Variants in ARL3 observed in about 807,000 individuals in gnomAD.
The protein encoded by ARL3 is ADP-ribosylation factor-like protein 3.
A neutral mutation model predicts 26.0 loss-of-function variants in ARL3; 9 were observed. The observed-to-expected ratio is 0.35, with a 90% CI of 0.21 to 0.60. ARL3 has a LOEUF of 0.60. Among genes scored for constraint, ARL3 ranks in the 20% least tolerant of loss-of-function variants. The pLI is 0.78. For missense variants in ARL3, 158 were observed against 215.7 expected (o/e 0.73, Z 1.67); for synonymous variants, 71 against 78.4 (o/e 0.91, Z 0.50).
At chr10:102,679,974 C>T (rs576497423) in intron 5 of ARL3, among the ~76,000 whole-genome samples, 54 of 152,070 alleles carry the variant, frequency 3.6e-4, no homozygotes, top group South Asian at 2.5e-3. Flanking sequence ...TTTTTTGAGA[C>T]GGAGTCTTGC....
In ARL3 at chr10:102,676,308, C is replaced by A; in HGVS notation, c.*586G>T. 1 of 150,844 alleles carries A rather than the reference C, an allele frequency of 6.6e-6. No homozygotes were observed. The highest frequency in any genetic ancestry group is 2.0e-4 in the South Asian group (1 of 4,922). 9.3% of individuals were successfully genotyped at this position (150,844 alleles called of 1,614,324 possible). A position where few individuals can be genotyped will look rare whatever the true frequency, so the allele number is the denominator to read the frequency against. ...AAAGAGTGAGGATTACATACGTAGTCTCCGACCTGCAAGACGATGAGATGG... is the reference window on the plus strand; with the variant it reads ...AAAGAGTGAGGATTACATACGTAGTATCCGACCTGCAAGACGATGAGATGG... On this transcript the variant is annotated 3_prime_UTR_variant, in exon 6 of 6. Transcript: ENST00000260746.
intron 1 of ARL3, among the ~76,000 whole-genome samples, chr10:102,711,660 G>C (rs1240026501): frequency 6.6e-6 from 1 of 152,106 alleles, no homozygotes; most frequent in East Asian, 1.9e-4. Flanking sequence ...CGGAGGCTAA[G>C]GCAGGAGAAT....
chr10:102,714,158 G>C (rs868562149), intron 1 of ARL3, 115 bp downstream of exon 1: 1 of 1,220,030 alleles, frequency 8.2e-7, no homozygotes, highest in Non-Finnish European at 1.1e-6. Flanking sequence ...CCAGATAGCA[G>C]GCTGAGCGAC....
At chr10:102,686,763 C>G (rs901796343) in intron 4 of ARL3, among the ~76,000 whole-genome samples, 1 of 151,366 alleles carries the variant, frequency 6.6e-6, no homozygotes, top group Non-Finnish European at 1.5e-5. Context: ...CGTGCTCAGT[C>G]TGATTATCAA....
chr10:102,695,446 C>T (rs987063168), intron 3 of ARL3, among the ~76,000 whole-genome samples: 8 of 152,216 alleles, frequency 5.3e-5, no homozygotes, highest in Non-Finnish European at 7.3e-5. Context: ...AAGCAACCGA[C>T]TTGTACATAT....
At chr10:102,682,334 C>T (rs1466756858) in intron 5 of ARL3, among the ~76,000 whole-genome samples, 1 of 152,152 alleles carries the variant, frequency 6.6e-6, no homozygotes, top group East Asian at 1.9e-4. Context: ...TGAAAACCTG[C>T]TTTAATCATA....
intron 2 of ARL3, among the ~76,000 whole-genome samples, chr10:102,704,924 C>T (rs952934995): frequency 5.3e-5 from 8 of 152,140 alleles, no homozygotes; most frequent in African/African-American, 1.7e-4. Flanking sequence ...GAAGTGGGTA[C>T]TGTGAAGTGT....
rs1484188635 is a variant in ARL3 at position 102,674,321 on chromosome 10, T to C, written c.*2573A>G. ...CACATCAATGACACCCTTGTTTCCA[T>C]AGTAACCAAGGGAGAGTGAAGGGGA... On this transcript the variant is annotated 3_prime_UTR_variant, in exon 6 of 6. Transcript: ENST00000260746. The C allele has an allele frequency of 6.6e-6, 1 of 152,134 alleles. No homozygotes were observed. Among genetic ancestry groups the C allele is most frequent in the Admixed American group, 6.5e-5 (1 of 15,278 alleles). 9.4% of individuals were successfully genotyped at this position (152,134 alleles called of 1,614,324 possible).
intron 1 of ARL3, among the ~76,000 whole-genome samples, chr10:102,706,456 A>C (rs986632058): frequency 1.6e-4 from 24 of 151,968 alleles, no homozygotes; most frequent in African/African-American, 5.6e-4. Context: ...GTCTCAAAAA[A>C]AAAGATTTTA....
At chr10:102,689,829 CAAAA>C (rs71019603) in intron 4 of ARL3, 60 bp downstream of exon 4, 2 of 851,278 alleles carry the variant, frequency 2.3e-6, no homozygotes, top group Admixed American at 3.0e-5. Flanking sequence ...AACTCCGTCT[CAAAA>C]AAAAAAAAGT....
intron 1 of ARL3, among the ~76,000 whole-genome samples, chr10:102,711,372 A>C (rs144008585): frequency 6.6e-6 from 1 of 150,876 alleles, no homozygotes; most frequent in African/African-American, 2.4e-5. Context: ...ATGTATCTGT[A>C]TATATATATG....
chr10:102,680,907 G>A (rs2064153539), intron 5 of ARL3, among the ~76,000 whole-genome samples: 1 of 151,940 alleles, frequency 6.6e-6, no homozygotes, highest in Admixed American at 6.6e-5. Flanking sequence ...TTTTTTTCTG[G>A]TGACAAAGGG....
intron 3 of ARL3, among the ~76,000 whole-genome samples, chr10:102,698,756 A>G (rs1355240023): frequency 6.6e-6 from 1 of 152,224 alleles, no homozygotes; most frequent in Admixed American, 6.6e-5. Context: ...GAGTCAGGGT[A>G]TTCCCAATGC....
intron 3 of ARL3, among the ~76,000 whole-genome samples, chr10:102,691,787 C>T (rs2064219301): frequency 6.6e-6 from 1 of 152,104 alleles, no homozygotes; most frequent in Admixed American, 6.6e-5. Flanking sequence ...TGGAGTCTAG[C>T]GTAATAAGTC....
rs559825140 is a variant in ARL3 at position 102,714,382 on chromosome 10, A to T, written c.-107T>A. The T allele has an allele frequency of 8.6e-7, 1 of 1,165,874 alleles. No homozygotes were observed. The highest frequency in any genetic ancestry group is 1.1e-6 in the Non-Finnish European group (1 of 910,310). The allele number at this position is 1,165,874 out of a possible 1,614,324, so 72.2% of individuals were successfully genotyped here. On this transcript the variant is annotated 5_prime_UTR_variant, in exon 1 of 6. Transcript: ENST00000260746. ...ACGTCCCTCGCACGCACAGCTGAGGAGCTGAGCAGCAATACGGGGCGGGGT... is the reference window on the plus strand; with the variant it reads ...ACGTCCCTCGCACGCACAGCTGAGGTGCTGAGCAGCAATACGGGGCGGGGT...
At chr10:102,708,856 C>G (rs1467708674) in intron 1 of ARL3, among the ~76,000 whole-genome samples, 1 of 138,070 alleles carries the variant, frequency 7.2e-6, no homozygotes, top group African/African-American at 2.7e-5. Context: ...AACTCCATCT[C>G]AAAACAAAAA....
Position 102,689,905 on chromosome 10 carries a change from T to G in ARL3, c.303A>C (p.Glu101Asp), listed in dbSNP as rs749578729. Residue 101 changes from glutamate (E) to aspartate (D), a missense_variant, in exon 4 of 6, where the codon GAA (glutamate) becomes GAC (aspartate). Coordinates refer to ENST00000260746, the MANE Select transcript of ARL3 (RefSeq NM_004311.4). ...AAGAATTATTTACCTGACCCGTCTC[T>G]TCAAATCTTTTTCTGTCTGCACTGT... ...VIDSADRKRF[E>D]ETGQELAELL... is the part of the protein sequence containing the mutation. 6.3e-7 allele frequency: 1 copy of G among 1,596,514 alleles called. No homozygotes were observed. Among genetic ancestry groups the G allele is most frequent in the Admixed American group, 1.7e-5 (1 of 58,932 alleles).
intron 5 of ARL3, among the ~76,000 whole-genome samples, chr10:102,680,540 C>T (rs1320337539): frequency 6.6e-6 from 1 of 152,174 alleles, no homozygotes; most frequent in Non-Finnish European, 1.5e-5. Context: ...GCAGGCCACC[C>T]CTAAGCATAC....
At chr10:102,685,100 T>C (rs2064176085) in intron 5 of ARL3, among the ~76,000 whole-genome samples, 1 of 151,356 alleles carries the variant, frequency 6.6e-6, no homozygotes, top group Non-Finnish European at 1.5e-5. Context: ...ATACAAAAAA[T>C]TAGCTGGGTG....
Sources: gnomAD v4.1 joint callset for allele counts (sites outside exome capture counted in the v4.1 genomes callset) on GRCh38, gnomAD v4.1.1 for gene constraint, MANE v1.5 for transcripts, NCBI Gene and HGNC (gene_info 2026-07-23, HGNC 2026-07-21) for gene names.